The following PTK2B variants were observed in gnomAD, a reference collection of about 807,000 sequenced individuals.
PTK2B encodes protein tyrosine kinase 2 beta, also known as protein-tyrosine kinase 2-beta.
A neutral mutation model predicts 142.9 loss-of-function variants in PTK2B; 71 were observed. That is an observed-to-expected ratio of 0.50 (90% CI 0.41 to 0.61). PTK2B has a LOEUF of 0.61. Among genes scored for constraint, PTK2B ranks in the 20% least tolerant of loss-of-function variants. The pLI, the probability that PTK2B is intolerant of heterozygous loss-of-function variation, is 0.00. For missense variants in PTK2B, 1,105 were observed against 1,320.4 expected (o/e 0.84, Z 2.53); for synonymous variants, 519 against 503.4 (o/e 1.03, Z -0.42).
At chr8:27,336,897 A>G (rs914256248) in intron 1 of PTK2B, among the ~76,000 whole-genome samples, 1 of 151,392 alleles carries the variant, frequency 6.6e-6, no homozygotes, top group Admixed American at 6.6e-5. Flanking sequence ...GTGCAGTGGC[A>G]CAATCTCGGC....
chr8:27,412,442 C>T (rs1039602308), intron 2 of PTK2B, among the ~76,000 whole-genome samples: 3 of 152,110 alleles, frequency 2.0e-5, no homozygotes, highest in Admixed American at 2.0e-4. Flanking sequence ...TTAAACACCC[C>T]CTCTGCAGAA....
At chr8:27,374,388 C>T (rs1404223091) in intron 1 of PTK2B, among the ~76,000 whole-genome samples, 1 of 152,194 alleles carries the variant, frequency 6.6e-6, no homozygotes. Context: ...ATTCACAGAC[C>T]CCTCACAACA....
chr8:27,350,711 G>T (rs1040583121), intron 1 of PTK2B, among the ~76,000 whole-genome samples: 4 of 151,852 alleles, frequency 2.6e-5, no homozygotes, highest in African/African-American at 9.7e-5. Context: ...GGGCAAGGTG[G>T]CTGATGCCTG....
chr8:27,385,039 G>A (rs959221315), intron 1 of PTK2B, among the ~76,000 whole-genome samples: 63 of 152,168 alleles, frequency 4.1e-4, no homozygotes, highest in Non-Finnish European at 1.8e-4. Context: ...AGCCCCTTCT[G>A]ACTCCACTCA....
intron 4 of PTK2B, among the ~76,000 whole-genome samples, chr8:27,420,970 C>T (rs945726508): frequency 6.6e-6 from 1 of 152,180 alleles, no homozygotes; most frequent in Non-Finnish European, 1.5e-5. Context: ...CTCCCAGCTC[C>T]TCTTGGACTT....
chr8:27,410,687 A>G (rs918283124), intron 2 of PTK2B, among the ~76,000 whole-genome samples: 3 of 152,254 alleles, frequency 2.0e-5, no homozygotes, highest in African/African-American at 7.2e-5. Context: ...CTGACAAAAG[A>G]GAAGGAAAGT....
chr8:27,450,576 C>A (rs1278973114), intron 24 of PTK2B, among the ~76,000 whole-genome samples, 173 bp from the exon 25 acceptor site: 1 of 152,138 alleles, frequency 6.6e-6, no homozygotes, highest in Admixed American at 6.5e-5. Context: ...GGGGCTGATA[C>A]TGGATAGCTG....
At chr8:27,328,107 C>G (rs1239373790) in intron 1 of PTK2B, among the ~76,000 whole-genome samples, 1 of 152,166 alleles carries the variant, frequency 6.6e-6, no homozygotes, top group Admixed American at 6.5e-5. Context: ...TTGCTACTCC[C>G]TTCCCATATG....
intron 1 of PTK2B, among the ~76,000 whole-genome samples, chr8:27,393,033 G>T (rs146954761): frequency 2.8e-4 from 42 of 152,308 alleles, no homozygotes; most frequent in African/African-American, 8.7e-4. Context: ...CGCCCTTAGG[G>T]GATTTCACCT....
At chr8:27,409,117 G>T (rs1297644504) in intron 2 of PTK2B, among the ~76,000 whole-genome samples, 2 of 152,134 alleles carry the variant, frequency 1.3e-5, no homozygotes, top group Non-Finnish European at 2.9e-5. Flanking sequence ...TTAGATGACA[G>T]CCCACCCGAA....
At chr8:27,407,027 C>T (rs142087874) in intron 2 of PTK2B, among the ~76,000 whole-genome samples, 5 of 152,146 alleles carry the variant, frequency 3.3e-5, no homozygotes, top group African/African-American at 4.8e-5. Context: ...TCAATCTCAG[C>T]GTGGCATCAA....
intron 18 of PTK2B, among the ~76,000 whole-genome samples, 184 bp from the exon 19 acceptor site, chr8:27,438,847 G>A (rs1207561590): frequency 6.6e-6 from 1 of 152,216 alleles, no homozygotes; most frequent in Non-Finnish European, 1.5e-5. Context: ...TCCCACCTGA[G>A]GTGTGCTGTG....
At chr8:27,360,240 G>C (rs1204005018) in intron 1 of PTK2B, among the ~76,000 whole-genome samples, 1 of 152,204 alleles carries the variant, frequency 6.6e-6, no homozygotes, top group Non-Finnish European at 1.5e-5. Context: ...TCTAGGTCTA[G>C]GGTGACGCAT....
intron 23 of PTK2B, 42 bp from the exon 24 acceptor site, chr8:27,445,752 G>A (rs376157720): frequency 6.2e-5 from 99 of 1,609,728 alleles, no homozygotes; most frequent in East Asian, 2.5e-4. Context: ...CTACCTTCTC[G>A]CTTTGTCCCG....
At position 27,337,427 on chromosome 8, in the gene PTK2B, C is replaced by T. The variant is rs948107115; in HGVS notation, c.-38+11746C>T. On this transcript the variant is annotated intron_variant, in intron 1 of 30. Coordinates refer to ENST00000346049, the MANE Select transcript of PTK2B (RefSeq NM_173176.3). ...CTGAGATTACAGGCGTGAGCTACTG[C>T]GCCTGGCCCTCCATCACTGCTATCT... Among the ~76,000 whole-genome samples, 12 of 152,284 alleles carry T rather than the reference C, an allele frequency of 7.9e-5. 1 individual carries two copies. The highest frequency in any genetic ancestry group is 4.1e-4 in the South Asian group (2 of 4,822).
At chr8:27,311,376 T>C, upstream of PTK2B, 1 of 1,100,688 alleles carries the variant, frequency 9.1e-7, no homozygotes, top group Non-Finnish European at 1.2e-6. Context: ...CGCTGGCCAA[T>C]CGTGCGGGGG....
intron 1 of PTK2B, among the ~76,000 whole-genome samples, chr8:27,386,563 G>A (rs1807368723): frequency 6.6e-6 from 1 of 151,982 alleles, no homozygotes; most frequent in Non-Finnish European, 1.5e-5. Context: ...ATTTTCTCAA[G>A]TCTTTTCACA....
intron 1 of PTK2B, among the ~76,000 whole-genome samples, chr8:27,362,318 C>T (rs935704312): frequency 9.9e-5 from 15 of 152,170 alleles, no homozygotes; most frequent in South Asian, 2.1e-4. Context: ...CAGGCCCTAT[C>T]GGCATGGCAG....
At chr8:27,418,628 G>A (rs1369774251) in intron 2 of PTK2B, among the ~76,000 whole-genome samples, 4 of 152,154 alleles carry the variant, frequency 2.6e-5, no homozygotes, top group East Asian at 1.9e-4. Context: ...GAGATACGTC[G>A]GTGCCTTCGG....
Sources: gnomAD v4.1 joint callset for allele counts (sites outside exome capture counted in the v4.1 genomes callset) on GRCh38, gnomAD v4.1.1 for gene constraint, MANE v1.5 for transcripts, NCBI Gene and HGNC (gene_info 2026-07-23, HGNC 2026-07-21) for gene names.